The following FAM13A variants were observed in gnomAD, a reference collection of about 807,000 sequenced individuals.
FAM13A encodes family with sequence similarity 13 member A, also known as protein FAM13A.
Under a neutral mutation model 129.6 loss-of-function variants are expected in FAM13A, and 76 were observed. The observed-to-expected ratio is 0.59, with a 90% CI of 0.49 to 0.71. The LOEUF is 0.71. Ranked by LOEUF, FAM13A falls within the 30% of genes least tolerant of loss-of-function variation. FAM13A has a pLI of 0.00. For missense variants in FAM13A, 1,108 were observed against 1,249.3 expected (o/e 0.89, Z 1.70); for synonymous variants, 443 against 449.9 (o/e 0.98, Z 0.20).
chr4:88,922,314 C>T (rs1751257304), intron 5 of FAM13A, among the ~76,000 whole-genome samples: 1 of 152,044 alleles, frequency 6.6e-6, no homozygotes, highest in East Asian at 1.9e-4. Flanking sequence ...AAGCTCTCCT[C>T]AGCAAATGTA....
intron 11 of FAM13A, among the ~76,000 whole-genome samples, chr4:88,775,302 C>T (rs983701963): frequency 6.6e-6 from 1 of 152,058 alleles, no homozygotes; most frequent in Non-Finnish European, 1.5e-5. Flanking sequence ...AGTCATAGCA[C>T]AAAAGACCAG....
intron 3 of FAM13A, among the ~76,000 whole-genome samples, chr4:88,997,375 G>T (rs1763688882): frequency 6.6e-6 from 1 of 152,122 alleles, no homozygotes; most frequent in Non-Finnish European, 1.5e-5. Context: ...TTTCTTGAAA[G>T]TTCTCATTTG....
intron 4 of FAM13A, among the ~76,000 whole-genome samples, chr4:88,988,029 A>G (rs1411590975): frequency 6.6e-6 from 1 of 152,172 alleles, no homozygotes; most frequent in Non-Finnish European, 1.5e-5. Flanking sequence ...CAGGAAAAAC[A>G]GCTAATGTAT....
chr4:88,898,002 A>G (rs937506438), intron 6 of FAM13A, among the ~76,000 whole-genome samples: 4 of 152,184 alleles, frequency 2.6e-5, no homozygotes, highest in African/African-American at 9.6e-5. Flanking sequence ...TAATTTCTCT[A>G]TGGAATTAGT....
intron 10 of FAM13A, among the ~76,000 whole-genome samples, chr4:88,783,661 C>T (rs1361407240): frequency 1.3e-5 from 2 of 152,116 alleles, no homozygotes; most frequent in Non-Finnish European, 2.9e-5. Context: ...TCAAAATTCA[C>T]ATTTTGAAGT....
chr4:88,823,313 A>G, intron 7 of FAM13A: 4 of 1,149,666 alleles, frequency 3.5e-6, no homozygotes, highest in Non-Finnish European at 4.3e-6. Context: ...CTGCAGCACT[A>G]AAGGCGCTCC....
At chr4:89,023,803 C>T (rs769854979) in intron 2 of FAM13A, among the ~76,000 whole-genome samples, 1 of 152,190 alleles carries the variant, frequency 6.6e-6, no homozygotes, top group Non-Finnish European at 1.5e-5. Flanking sequence ...AGAATCCATA[C>T]AGTTTTTTAA....
chr4:88,840,105 G>T (rs566642545), intron 7 of FAM13A, among the ~76,000 whole-genome samples: 1 of 152,298 alleles, frequency 6.6e-6, no homozygotes, highest in East Asian at 1.9e-4. Context: ...TATCCAGGAA[G>T]GCCAGAGGAA....
chr4:88,924,494 T>G (rs760091108), intron 5 of FAM13A, among the ~76,000 whole-genome samples: 10 of 152,204 alleles, frequency 6.6e-5, no homozygotes, highest in Non-Finnish European at 1.5e-4. Context: ...GAAAACTGGC[T>G]AGCCATATGT....
intron 7 of FAM13A, among the ~76,000 whole-genome samples, chr4:88,844,146 C>T (rs1289020311): frequency 6.6e-6 from 1 of 152,168 alleles, no homozygotes; most frequent in Non-Finnish European, 1.5e-5. Flanking sequence ...TGAGTACATG[C>T]CCCCTCAGTA....
In FAM13A at chr4:88,851,174, A is replaced by G. The variant is rs1475888549; in HGVS notation, c.853T>C (p.Ser285Pro). 1.3e-6 allele frequency: 2 copies of G among 1,583,756 alleles called. No homozygotes were observed. Among genetic ancestry groups the G allele is most frequent in the Middle Eastern group, 1.7e-4 (1 of 5,750 alleles). The part of the protein sequence containing the change: ...KPPPKTKIPK[S>P]RSEGSIQAHR... ...GCCTGAATAGATCCCTCACTCCTGG[A>G]TTTTGGGATCTAGAAGAAAAAAAAA... Residue 285 changes from serine to proline, a missense_variant, in exon 7 of 24, where the codon TCC becomes CCC. By Grantham distance (74) the Ser-to-Pro change is moderately conservative. Transcript: ENST00000264344.
chr4:88,815,274 C>T (rs1232504707), intron 7 of FAM13A, among the ~76,000 whole-genome samples: 1 of 152,074 alleles, frequency 6.6e-6, no homozygotes, highest in African/African-American at 2.4e-5. Context: ...ACTTAGGCAC[C>T]TTAATTTTAA....
chr4:88,886,513 A>T (rs926575933), intron 6 of FAM13A, among the ~76,000 whole-genome samples: 5 of 152,018 alleles, frequency 3.3e-5, no homozygotes, highest in East Asian at 3.9e-4. Context: ...GCTTGAACCC[A>T]GGAGGCAGAG....
At chr4:88,868,664 C>G (rs979631184) in intron 6 of FAM13A, among the ~76,000 whole-genome samples, 1 of 152,120 alleles carries the variant, frequency 6.6e-6, no homozygotes. Context: ...CTAGACACAC[C>G]GCACCCTGTA....
rs1016248158 is a variant in FAM13A at position 88,813,328 on chromosome 4, T to C, written c.1008-8276A>G. Among the ~76,000 whole-genome samples, 6 of 152,262 alleles carry C rather than the reference T, an allele frequency of 3.9e-5. No homozygotes were observed. In the South Asian group the frequency reaches 1.0e-3, roughly 26 times the overall value. Reference sequence around the variant, plus strand: ...TAAGATCTTGTTCAGAAAAGTGATGTTTATCATTATTATAAACATAAAAAC... The same window carrying C: ...TAAGATCTTGTTCAGAAAAGTGATGCTTATCATTATTATAAACATAAAAAC... On this transcript the variant is annotated intron_variant, in intron 7 of 23. Coordinates refer to ENST00000264344, the MANE Select transcript of FAM13A (RefSeq NM_014883.4).
chr4:88,996,753 T>TA (rs202155825), intron 3 of FAM13A, among the ~76,000 whole-genome samples: 5,778 of 147,632 alleles, frequency 0.039, 222 homozygotes, highest in South Asian at 0.22. Flanking sequence ...CCAGCCAAAG[T>TA]AAAAAAAAAA....
chr4:88,786,156 T>G (rs930266789), intron 10 of FAM13A, among the ~76,000 whole-genome samples: 7 of 152,092 alleles, frequency 4.6e-5, no homozygotes, highest in Non-Finnish European at 8.8e-5. Context: ...GTCTGGCCCC[T>G]ATCTGTTTCT....
chr4:88,873,374 CA>C, intron 6 of FAM13A, among the ~76,000 whole-genome samples: 1 of 152,062 alleles, frequency 6.6e-6, no homozygotes, highest in Non-Finnish European at 1.5e-5. Flanking sequence ...AAAGGATCAA[CA>C]AAATTGATAG....
At chr4:89,004,526 A>G (rs1764731929) in intron 3 of FAM13A, among the ~76,000 whole-genome samples, 1 of 152,198 alleles carries the variant, frequency 6.6e-6, no homozygotes, top group South Asian at 2.1e-4. Context: ...TCTTCCTCTT[A>G]ACTCCAAGTT....
Sources: allele counts gnomAD v4.1 joint callset (sites outside exome capture counted in the v4.1 genomes callset), GRCh38; gene constraint gnomAD v4.1.1; transcripts MANE v1.5; gene names NCBI Gene and HGNC (gene_info 2026-07-23, HGNC 2026-07-21).